FCN3: variants seen among roughly 807,000 people sequenced by gnomAD.
FCN3 encodes ficolin 3.
Under a neutral mutation model 31.5 loss-of-function variants are expected in FCN3, and 28 were observed. The observed-to-expected ratio is 0.89, with a 90% CI of 0.66 to 1.22. The LOEUF is 1.22. FCN3 is among the 50% of genes most tolerant of loss of function. The probability of loss-of-function intolerance (pLI) is 0.00; values close to 1 mark genes in which losing one functional copy is unlikely to be tolerated. For synonymous variants in FCN3, 124 were observed against 147.4 expected (o/e 0.84, Z 1.15); for missense variants, 351 against 386.8 (o/e 0.91, Z 0.78).
chr1:27,370,598 G>C lies in FCN3; in HGVS notation c.656C>G (p.Ala219Gly), dbSNP rs747833801. 6.2e-7 allele frequency: 1 copy of C among 1,613,928 alleles called. No homozygotes were observed. The highest frequency in any genetic ancestry group is 1.7e-5 in the Admixed American group (1 of 60,030). ...LALGKFSEGT[A>G]GDSLSLHSGR... ...CTGCTCCCCTTAGGCTCACTCACCT[G>C]CAGTGCCCTCTGAGAACTTGCCCAG... The change falls in exon 7 of 8, where the codon GCA becomes GGA. Residue 219 changes from alanine to glycine, a missense_variant and splice_region_variant. Coordinates refer to ENST00000270879, the MANE Select transcript of FCN3 (RefSeq NM_003665.4).
At chr1:27,370,079 T>A (rs960427402) in intron 7 of FCN3, among the ~76,000 whole-genome samples, 14 of 150,890 alleles carry the variant, frequency 9.3e-5, no homozygotes, top group African/African-American at 3.4e-4. Flanking sequence ...CTCTCTTGGC[T>A]CGCTGCAACC....
intron 5 of FCN3, 34 bp downstream of exon 5, chr1:27,373,102 G>A (rs756449470): frequency 5.0e-6 from 8 of 1,609,742 alleles, no homozygotes; most frequent in South Asian, 1.1e-5. Context: ...TGACCAGTGG[G>A]CCTGGCCTGT....
chr1:27,370,376 T>G, intron 7 of FCN3: 1 of 566,586 alleles, frequency 1.8e-6, no homozygotes, highest in Non-Finnish European at 3.1e-6. Context: ...CAAGGTCACA[T>G]AAGTACTAAA....
rs138884484 is a variant in FCN3 at position 27,369,718 on chromosome 1, C to T, written c.659-241G>A. Among the ~76,000 whole-genome samples, 124 of 151,978 alleles carry T rather than the reference C, an allele frequency of 8.2e-4. 1 individual carries two copies. The highest frequency in any genetic ancestry group is 2.7e-3 in the African/African-American group (113 of 41,432). ...GCTTTTCCCCCTGTCTTACCCCCTC[C>T]AGAATCCCCGGCCCCCCTCTAGCTC... On this transcript the variant is annotated intron_variant, in intron 7 of 7. Coordinates refer to ENST00000270879, the MANE Select transcript of FCN3 (RefSeq NM_003665.4).
chr1:27,373,854 A>G (rs1557577750), intron 3 of FCN3, 111 bp downstream of exon 3: 1 of 952,252 alleles, frequency 1.1e-6, no homozygotes, highest in African/African-American at 1.6e-5. Context: ...CCAGCCATCC[A>G]TTCCCCTGTG....
intron 2 of FCN3, 100 bp from the exon 3 acceptor site, chr1:27,374,109 C>T: frequency 3.7e-6 from 4 of 1,090,342 alleles, no homozygotes; most frequent in Non-Finnish European, 4.1e-6. Context: ...CCAGTTTCAC[C>T]CTTCACTCAC....
In FCN3 at chr1:27,370,733, G is replaced by A; in HGVS notation, c.524-3C>T. ...CTCTACCCGCAGCTCCCAGTTACCT[G>A]GAAAGAAGGGGAGGCAGGGATGGAG... is the stretch of plus-strand genomic sequence containing the variant. On this transcript the variant is annotated splice_region_variant and splice_polypyrimidine_tract_variant and intron_variant, in intron 6 of 7. Coordinates refer to ENST00000270879, the MANE Select transcript of FCN3 (RefSeq NM_003665.4). 1 of 1,614,036 alleles carries A rather than the reference G, an allele frequency of 6.2e-7. No individual in the cohort carries two copies. The highest frequency in any genetic ancestry group is 8.5e-7 in the Non-Finnish European group (1 of 1,179,904).
At chr1:27,373,898 GA>G in intron 3 of FCN3, 66 bp downstream of exon 3, 1 of 1,368,466 alleles carries the variant, frequency 7.3e-7, no homozygotes, top group South Asian at 1.2e-5. Flanking sequence ...GCCAAGCAGA[GA>G]TCCCACCCTA....
intron 5 of FCN3, among the ~76,000 whole-genome samples, chr1:27,372,803 G>T (rs1196084180): frequency 5.0e-5 from 5 of 100,852 alleles, no homozygotes; most frequent in Admixed American, 1.1e-4. Flanking sequence ...TTGAGACAGA[G>T]TTTCACTCTT....
In FCN3 at chr1:27,370,675, G is replaced by T; in HGVS notation, c.579C>A (p.Ala193=). 6.2e-7 allele frequency: 1 copy of T among 1,614,244 alleles called. No individual in the cohort carries two copies. The highest frequency in any genetic ancestry group is 8.5e-7 in the Non-Finnish European group (1 of 1,180,046). The part of the protein sequence containing the change: ...LEDFNGNRTF[A]HYATFRLLGE... ...CGAGGAGGCGGAAGGTCGCATAGTG[G>T]GCGAAAGTACGGTTACCATTAAAGT... The change falls in exon 7 of 8, where the codon GCC becomes GCA. Residue 193 remains alanine, a synonymous_variant. Transcript: ENST00000270879.
In FCN3 at chr1:27,369,174, C is replaced by T. The variant is rs1224883066; in HGVS notation, c.*62G>A. On this transcript the variant is annotated 3_prime_UTR_variant, in exon 8 of 8. Transcript: ENST00000270879. ...GGCAAGCAGAGGTGGTTGGCAAAGG[C>T]AAGGTGGCTGACGATCCGGAAGCTG... 2 of 1,591,984 alleles carry T rather than the reference C, an allele frequency of 1.3e-6. No individual in the cohort carries two copies. Among genetic ancestry groups the T allele is most frequent in the Non-Finnish European group, 8.6e-7 (1 of 1,163,066 alleles).
intron 4 of FCN3, 93 bp downstream of exon 4, chr1:27,373,395 G>T: frequency 6.3e-7 from 1 of 1,593,886 alleles, no homozygotes; most frequent in Non-Finnish European, 8.6e-7. Flanking sequence ...GTTCTGAGGA[G>T]GCTGTGGGGA....
chr1:27,370,556 G>A (rs1023622765), intron 7 of FCN3, 40 bp downstream of exon 7: 13 of 1,579,502 alleles, frequency 8.2e-6, no homozygotes, highest in Non-Finnish European at 1.1e-5. Context: ...ACTGGGAAAG[G>A]ATCCAGCCTC....
In FCN3 at chr1:27,373,204, G is replaced by A; in HGVS notation, c.325C>T (p.Leu109=). The change falls in exon 5 of 8, where the codon CTG becomes TTG. Residue 109 remains leucine (L), a synonymous_variant. Transcript: ENST00000270879. ...QGATLSGWYH[L]CLPEGRALPV... is the part of the protein sequence containing the mutation. ...AGGGCCCTGCCCTCAGGTAGGCACAGATGGTACCAGCCGCTCAAGGTGGCG... is the reference window on the plus strand; with the variant it reads ...AGGGCCCTGCCCTCAGGTAGGCACAAATGGTACCAGCCGCTCAAGGTGGCG... The A allele has an allele frequency of 4.3e-6, 7 of 1,614,114 alleles. No individual in the cohort carries two copies. The highest frequency in any genetic ancestry group is 5.1e-6 in the Non-Finnish European group (6 of 1,180,014).
chr1:27,374,657 A>G, intron 1 of FCN3, 71 bp downstream of exon 1: 1 of 951,218 alleles, frequency 1.1e-6, no homozygotes, highest in Non-Finnish European at 1.5e-6. Flanking sequence ...GAGGTTGATG[A>G]GCCTTGGTGG....
chr1:27,371,988 T>C (rs960775349), intron 5 of FCN3, among the ~76,000 whole-genome samples: 2 of 152,174 alleles, frequency 1.3e-5, no homozygotes, highest in Non-Finnish European at 2.9e-5. Context: ...CTTGAACTCC[T>C]GAGCTCAGGC....
At chr1:27,372,046 C>G (rs2016156874) in intron 5 of FCN3, among the ~76,000 whole-genome samples, 1 of 152,036 alleles carries the variant, frequency 6.6e-6, no homozygotes, top group African/African-American at 2.4e-5. Context: ...CAGGTGTGAG[C>G]TACTGTGTCA....
In FCN3 at chr1:27,370,960, G is replaced by A. The variant is rs142828984; in HGVS notation, c.406C>T (p.Arg136Cys). Residue 136 changes from arginine (R) to cysteine (C), a missense_variant, in exon 6 of 8, where the codon CGC (arginine) becomes TGC (cysteine). Arg to Cys is a radical substitution (Grantham distance 180). Coordinates refer to ENST00000270879, the MANE Select transcript of FCN3 (RefSeq NM_003665.4). Reference protein sequence around the residue: ...EGGGWLVFQRRQDGSVDFFRS... With the variant: ...EGGGWLVFQRCQDGSVDFFRS... ...AAGAAATCCACAGAACCATCCTGGC[G>A]CCTCTGAAACACCTGGGGGAGGGGG... 9.9e-5 allele frequency: 159 copies of A among 1,612,330 alleles called. No individual in the cohort carries two copies. Among genetic ancestry groups the A allele is most frequent in the Middle Eastern group, 1.9e-4 (1 of 5,332 alleles).
chr1:27,374,162 T>G, intron 2 of FCN3, 153 bp from the exon 3 acceptor site: 1 of 754,332 alleles, frequency 1.3e-6, no homozygotes, highest in Non-Finnish European at 2.2e-6. Flanking sequence ...TGAACCTCCC[T>G]TTCCTCCTCA....
Sources: gnomAD v4.1 joint callset for allele counts (sites outside exome capture counted in the v4.1 genomes callset) on GRCh38, gnomAD v4.1.1 for gene constraint, MANE v1.5 for transcripts, NCBI Gene and HGNC (gene_info 2026-07-23, HGNC 2026-07-21) for gene names.